The following CA8 variants were observed in gnomAD, a reference collection of about 807,000 sequenced individuals.
The protein encoded by CA8 is carbonic anhydrase 8 (inactive), also known as carbonic anhydrase-related protein.
Under a neutral mutation model 41.4 loss-of-function variants are expected in CA8, and 22 were observed. That is an observed-to-expected ratio of 0.53 (90% confidence interval 0.38 to 0.76). The LOEUF (loss-of-function observed/expected upper bound fraction) is 0.76. Ranked by LOEUF, CA8 falls within the 30% of genes least tolerant of loss-of-function variation. The pLI is 0.00. For missense variants in CA8, 270 were observed against 352.8 expected, an observed-to-expected ratio of 0.77 and a Z score of 1.88; for synonymous variants, 121 against 130.6, an observed-to-expected ratio of 0.93 and a Z score of 0.50.
intron 3 of CA8, among the ~76,000 whole-genome samples, chr8:60,245,370 C>A (rs1209792164): frequency 6.6e-6 from 1 of 152,144 alleles, no homozygotes; most frequent in East Asian, 1.9e-4. Flanking sequence ...CTGTGAAAAT[C>A]TACACCTATG....
chr8:60,197,649 C>G (rs1024205230), intron 8 of CA8, among the ~76,000 whole-genome samples: 1 of 152,142 alleles, frequency 6.6e-6, no homozygotes, highest in African/African-American at 2.4e-5. Context: ...CATCACAACC[C>G]CCAGTGCTGG....
intron 3 of CA8, among the ~76,000 whole-genome samples, chr8:60,251,732 C>T (rs901694923): frequency 2.0e-5 from 3 of 152,140 alleles, no homozygotes; most frequent in Non-Finnish European, 4.4e-5. Flanking sequence ...AAATCTTTGC[C>T]CAACTCCCTG....
intron 3 of CA8, among the ~76,000 whole-genome samples, chr8:60,261,721 T>C (rs1803739593): frequency 6.6e-6 from 1 of 152,152 alleles, no homozygotes; most frequent in African/African-American, 2.4e-5. Context: ...AATTAAAACT[T>C]GACACACTGT....
chr8:60,229,490 T>A (rs1807566548), intron 4 of CA8, among the ~76,000 whole-genome samples: 1 of 152,090 alleles, frequency 6.6e-6, no homozygotes, highest in Non-Finnish European at 1.5e-5. Context: ...GACCCACTAG[T>A]CAATCTCTCC....
intron 8 of CA8, among the ~76,000 whole-genome samples, chr8:60,203,832 T>A (rs1806501384): frequency 6.6e-6 from 1 of 152,196 alleles, no homozygotes; most frequent in South Asian, 2.1e-4. Flanking sequence ...TAAAAAAAAT[T>A]CACTTCATTT....
chr8:60,192,937 G>GCACACGCA (rs1806172185), intron 8 of CA8, among the ~76,000 whole-genome samples: 1 of 140,666 alleles, frequency 7.1e-6, no homozygotes. Context: ...TCAACATCAT[G>GCACACGCA]CACACACACA....
At chr8:60,269,547 GA>G (rs1804002636) in intron 2 of CA8, among the ~76,000 whole-genome samples, 1 of 152,148 alleles carries the variant, frequency 6.6e-6, no homozygotes, top group African/African-American at 2.4e-5. Context: ...GCTCCCTGAG[GA>G]AGCTTTTGTA....
chr8:60,220,530 T>C (rs1002978964), intron 7 of CA8, among the ~76,000 whole-genome samples: 3 of 152,132 alleles, frequency 2.0e-5, no homozygotes, highest in East Asian at 1.9e-4. Flanking sequence ...CACTTCTCAG[T>C]ATTAACCCCC....
At chr8:60,252,355 T>C (rs941135095) in intron 3 of CA8, among the ~76,000 whole-genome samples, 8 of 152,188 alleles carry the variant, frequency 5.3e-5, no homozygotes, top group Non-Finnish European at 1.0e-4. Flanking sequence ...GGCAGAGGCA[T>C]ATAGTACCCT....
intron 3 of CA8, among the ~76,000 whole-genome samples, chr8:60,240,241 G>T (rs7462854): frequency 0.12 from 17,729 of 152,262 alleles, 1,378 homozygotes; most frequent in South Asian, 0.23. Context: ...AAGGAAAAAT[G>T]AGGACAGAAA....
At chr8:60,280,683 C>T (rs1472523364) in intron 1 of CA8, among the ~76,000 whole-genome samples, 1 of 152,264 alleles carries the variant, frequency 6.6e-6, no homozygotes, top group Non-Finnish European at 1.5e-5. Flanking sequence ...CTAACACTGT[C>T]TTCCTCAGGT....
rs1478479204 is a variant in CA8, at chr8:60,186,475, A to G, written c.*3546T>C. On this transcript the variant is annotated 3_prime_UTR_variant, in exon 9 of 9. Coordinates refer to ENST00000317995, the MANE Select transcript of CA8 (RefSeq NM_004056.6). ...CACCTAATTAAAAAAAAAGTAATAGAGGAGGAATAAAGGAACAACAACAAA... is the reference window on the plus strand; with the variant it reads ...CACCTAATTAAAAAAAAAGTAATAGGGGAGGAATAAAGGAACAACAACAAA... 1.3e-5 allele frequency among the ~76,000 whole-genome samples: 2 copies of G among 151,934 alleles called. No individual in the cohort carries two copies. Among genetic ancestry groups the G allele is most frequent in the African/African-American group, 4.8e-5 (2 of 41,444 alleles).
intron 3 of CA8, among the ~76,000 whole-genome samples, chr8:60,259,286 A>T (rs1803654575): frequency 6.6e-6 from 1 of 152,178 alleles, no homozygotes; most frequent in African/African-American, 2.4e-5. Flanking sequence ...AATTGAAAAT[A>T]TTTTCTACTG....
chr8:60,242,365 A>G (rs112543675), intron 3 of CA8, among the ~76,000 whole-genome samples: 5 of 152,324 alleles, frequency 3.3e-5, no homozygotes, highest in African/African-American at 1.2e-4. Flanking sequence ...AGGTACAGAA[A>G]GTGAAGTAAC....
chr8:60,191,860 A>AT (rs780369935), intron 8 of CA8, among the ~76,000 whole-genome samples: 11 of 152,124 alleles, frequency 7.2e-5, no homozygotes, highest in Non-Finnish European at 1.0e-4. Flanking sequence ...AGAATTTAAC[A>AT]TTTAGTATAC....
intron 7 of CA8, among the ~76,000 whole-genome samples, chr8:60,213,673 A>T (rs1426244495): frequency 6.6e-6 from 1 of 152,166 alleles, no homozygotes; most frequent in Non-Finnish European, 1.5e-5. Flanking sequence ...ATAACTTTTT[A>T]CCTTGACTAC....
intron 3 of CA8, among the ~76,000 whole-genome samples, chr8:60,245,441 C>T (rs1381071500): frequency 6.6e-6 from 1 of 152,140 alleles, no homozygotes; most frequent in African/African-American, 2.4e-5. Flanking sequence ...AAAATCATAA[C>T]AAACTAATCC....
intron 8 of CA8, among the ~76,000 whole-genome samples, chr8:60,195,439 AT>A (rs1233132446): frequency 6.6e-6 from 1 of 152,224 alleles, no homozygotes; most frequent in Non-Finnish European, 1.5e-5. Context: ...CACAGTACTG[AT>A]GTAAGTTCCA....
chr8:60,214,654 T>C (rs1426598686), intron 7 of CA8, among the ~76,000 whole-genome samples: 2 of 152,212 alleles, frequency 1.3e-5, no homozygotes, highest in East Asian at 3.9e-4. Flanking sequence ...CTTCCTCAAT[T>C]GTCCAGGGCC....
Sources: gnomAD v4.1 joint callset for allele counts (sites outside exome capture counted in the v4.1 genomes callset) on GRCh38, gnomAD v4.1.1 for gene constraint, MANE v1.5 for transcripts, NCBI Gene and HGNC (gene_info 2026-07-23, HGNC 2026-07-21) for gene names.